Variants in PCDH7 observed in about 807,000 individuals in gnomAD.
PCDH7 encodes the protein protocadherin 7, also known as protocadherin-7.
In PCDH7, 17 loss-of-function variants were observed where a neutral mutation model predicts 58.9. The ratio of observed to expected loss-of-function variants is 0.29; its 90% CI spans 0.20 to 0.43. The LOEUF (loss-of-function observed/expected upper bound fraction) is 0.43, where lower values mean the gene tolerates loss of function less well. Among genes scored for constraint, PCDH7 ranks in the 20% least tolerant of loss-of-function variants. PCDH7 has a pLI of 1.00. For synonymous variants in PCDH7, 664 were observed against 616.4 expected, an observed-to-expected ratio of 1.08 and a Z score of -1.14; for missense variants, 1,274 against 1,441.0, an observed-to-expected ratio of 0.88 and a Z score of 1.88.
intron 1 of PCDH7, among the ~76,000 whole-genome samples, chr4:30,882,610 C>G (rs1007713755): frequency 6.6e-6 from 1 of 152,046 alleles, no homozygotes; most frequent in African/African-American, 2.4e-5. Context: ...TTCTTCGTAC[C>G]AGTTGGTAAA....
At chr4:31,073,295 CATAA>C (rs1023569736) in intron 3 of PCDH7, among the ~76,000 whole-genome samples, 12 of 152,068 alleles carry the variant, frequency 7.9e-5, no homozygotes, top group Non-Finnish European at 5.9e-5. Flanking sequence ...TTATAGCACA[CATAA>C]ATAAACAAAA....
chr4:31,069,853 T>C (rs2109250978), intron 3 of PCDH7, among the ~76,000 whole-genome samples: 1 of 151,970 alleles, frequency 6.6e-6, no homozygotes, highest in South Asian at 2.1e-4. Flanking sequence ...TATATATAAA[T>C]TAATCTCAAA....
At chr4:30,973,701 C>A (rs1378941502) in intron 3 of PCDH7, among the ~76,000 whole-genome samples, 1 of 151,912 alleles carries the variant, frequency 6.6e-6, no homozygotes, top group African/African-American at 2.4e-5. Flanking sequence ...GTCACAGTCT[C>A]CAATTTTTTT....
At chr4:30,859,231 A>G (rs965937063) in intron 1 of PCDH7, among the ~76,000 whole-genome samples, 2 of 152,188 alleles carry the variant, frequency 1.3e-5, no homozygotes, top group Non-Finnish European at 2.9e-5. Flanking sequence ...TGAAAAGGAC[A>G]TTAAGGGTCA....
At chr4:30,880,391 T>C (rs967824886) in intron 1 of PCDH7, among the ~76,000 whole-genome samples, 1 of 152,114 alleles carries the variant, frequency 6.6e-6, no homozygotes, top group African/African-American at 2.4e-5. Context: ...AAATCTGCAT[T>C]GCATAGTTAA....
rs1365548555 is a variant in PCDH7 at position 30,721,337 on chromosome 4, G to C, written c.-86G>C. ...TTTCCGGGAGAGGGGAGAGGACTCG[G>C]GGGAGGGCAGGCGGCCGGCCCCGGA... is the stretch of plus-strand genomic sequence containing the variant. On this transcript the variant is annotated 5_prime_UTR_variant, in exon 1 of 2. Transcript: ENST00000361762. This position sits in a 1 kb window ranked among gnomAD's most constrained non-coding sequence, Gnocchi z 6.7. The C allele has an allele frequency of 2.3e-6, 3 of 1,292,554 alleles. No homozygotes were observed. The highest frequency in any genetic ancestry group is 3.1e-6 in the Non-Finnish European group (3 of 972,584). The allele number at this position is 1,292,554 out of a possible 1,614,324, so 80.1% of individuals were successfully genotyped here. A position where few individuals can be genotyped will look rare whatever the true frequency, so the allele number is the denominator to read the frequency against.
chr4:30,877,066 T>C (rs1316047924), intron 1 of PCDH7, among the ~76,000 whole-genome samples: 1 of 152,092 alleles, frequency 6.6e-6, no homozygotes, highest in Non-Finnish European at 1.5e-5. Flanking sequence ...TAAAGTCATC[T>C]TAGTAGTGAT....
intron 1 of PCDH7, among the ~76,000 whole-genome samples, chr4:30,817,528 C>T (rs951248111): frequency 6.6e-6 from 1 of 152,112 alleles, no homozygotes; most frequent in Admixed American, 6.5e-5. Context: ...GAAATATATA[C>T]ATAAGAATGA....
chr4:30,736,648 G>T (rs1329303710), downstream of PCDH7, among the ~76,000 whole-genome samples: 5 of 150,182 alleles, frequency 3.3e-5, no homozygotes, highest in Admixed American at 2.0e-4. Flanking sequence ...CCATTCTCCT[G>T]CCTCAGCCTC....
rs540273023 is a variant in PCDH7 at position 31,069,594 on chromosome 4, A to G, written c.*8-72879A>G. The stretch of plus-strand genomic sequence containing the variant: ...CTTTAATGCCTAGAATTGTTTTAGA[A>G]AAATATTTAGTTTTTGCATAATGTT... On this transcript the variant is annotated intron_variant, in intron 3 of 3. Coordinates refer to the PCDH7 transcript ENST00000509759. 8.9e-4 allele frequency among the ~76,000 whole-genome samples: 135 copies of G among 152,154 alleles called. 2 individuals carry two copies. Among genetic ancestry groups the G allele is most frequent in the Non-Finnish European group, 1.1e-3 (74 of 67,950 alleles).
intron 3 of PCDH7, among the ~76,000 whole-genome samples, chr4:31,081,266 A>G (rs1245860470): frequency 2.0e-5 from 3 of 152,238 alleles, no homozygotes; most frequent in Non-Finnish European, 4.4e-5. Flanking sequence ...AATAGTAAGC[A>G]GACTTTCTAA....
chr4:30,882,732 CAA>C (rs1737148503), intron 1 of PCDH7, among the ~76,000 whole-genome samples: 1 of 152,114 alleles, frequency 6.6e-6, no homozygotes, highest in African/African-American at 2.4e-5. Context: ...AAGATAAAAA[CAA>C]AGTCATACTT....
intron 2 of PCDH7, among the ~76,000 whole-genome samples, chr4:30,943,556 C>A (rs1490945630): frequency 6.6e-6 from 1 of 152,096 alleles, no homozygotes; most frequent in Non-Finnish European, 1.5e-5. Flanking sequence ...TCTAGCCATG[C>A]CTTTCTTTCA....
At chr4:31,079,032 C>T (rs1175677869) in intron 3 of PCDH7, among the ~76,000 whole-genome samples, 1 of 151,520 alleles carries the variant, frequency 6.6e-6, no homozygotes, top group African/African-American at 2.4e-5. Flanking sequence ...ACATTTACTT[C>T]ACAAAATGCA....
At chr4:30,800,951 T>A (rs1026681716) in intron 1 of PCDH7, among the ~76,000 whole-genome samples, 3 of 152,190 alleles carry the variant, frequency 2.0e-5, no homozygotes, top group Admixed American at 6.5e-5. Context: ...ATACCTGTTT[T>A]GGGAAGTTGG....
chr4:30,875,154 T>C (rs1736129954), intron 1 of PCDH7, among the ~76,000 whole-genome samples: 2 of 152,122 alleles, frequency 1.3e-5, no homozygotes, highest in African/African-American at 4.8e-5. Context: ...AAAATCAAGG[T>C]GGTTGCACCG....
intron 3 of PCDH7, among the ~76,000 whole-genome samples, chr4:31,097,803 T>C (rs1714347374): frequency 6.6e-6 from 1 of 151,538 alleles, no homozygotes. Flanking sequence ...CTTTTCTTTT[T>C]TCAGACATTA....
chr4:31,020,724 T>TAACA (rs1387482431), intron 3 of PCDH7, among the ~76,000 whole-genome samples: 1 of 152,246 alleles, frequency 6.6e-6, no homozygotes, highest in African/African-American at 2.4e-5. Context: ...TTTAGTAAAT[T>TAACA]AACAGTAGGA....
downstream of PCDH7, among the ~76,000 whole-genome samples, chr4:30,733,345 T>C (rs1560311635): frequency 6.6e-6 from 1 of 152,126 alleles, no homozygotes; most frequent in Non-Finnish European, 1.5e-5. Flanking sequence ...TATCTATCAG[T>C]ACCGGTCCTG....
Sources: allele counts gnomAD v4.1 joint callset (sites outside exome capture counted in the v4.1 genomes callset), GRCh38; gene constraint gnomAD v4.1.1; non-coding constraint Gnocchi (gnomAD v3.1); transcripts MANE v1.5; gene names NCBI Gene and HGNC (gene_info 2026-07-23, HGNC 2026-07-21).